Variants in BEND4 observed in about 807,000 individuals in gnomAD.
BEND4 encodes BEN domain-containing protein 4.
BEND4 carries 27 observed loss-of-function variants against 54.7 expected under a neutral mutation model. That is an observed-to-expected ratio of 0.49 (90% CI 0.36 to 0.68). BEND4 has a LOEUF of 0.68. Ranked by LOEUF, BEND4 falls within the 30% of genes least tolerant of loss-of-function variation. BEND4 has a pLI of 0.00. For missense variants in BEND4, 702 were observed against 697.2 expected, an observed-to-expected ratio of 1.01 and a Z score of -0.08; for synonymous variants, 327 against 299.5, an observed-to-expected ratio of 1.09 and a Z score of -0.95.
At chr4:42,141,462 T>TG (rs754927766) in intron 3 of BEND4, among the ~76,000 whole-genome samples, 3 of 152,264 alleles carry the variant, frequency 2.0e-5, no homozygotes, top group Non-Finnish European at 4.4e-5. Context: ...CCGGGTGCTG[T>TG]GGCTAATGCC....
chr4:42,125,098 A>G (rs1242721329), intron 4 of BEND4, among the ~76,000 whole-genome samples: 1 of 152,146 alleles, frequency 6.6e-6, no homozygotes. Flanking sequence ...ATTAAAACAC[A>G]CCATTTCTTC....
In BEND4 at chr4:42,151,772, G is replaced by A; in HGVS notation, c.372C>T (p.Pro124=). The part of the protein sequence containing the change: ...RTPAQPPPAS[P]AASSSSSFAA... ...CGAACGAAGACGACGAGGAGGCGGC[G>A]GGGGACGCGGGCGGCGGCTGCGCCG... Residue 124 remains proline, a synonymous_variant, in exon 2 of 6, where the codon CCC becomes CCT. Coordinates refer to ENST00000502486, the MANE Select transcript of BEND4 (RefSeq NM_207406.4). 1 of 1,496,158 alleles carries A rather than the reference G, an allele frequency of 6.7e-7. No homozygotes were observed. The highest frequency in any genetic ancestry group is 8.9e-7 in the Non-Finnish European group (1 of 1,129,780). The allele number at this position is 1,496,158 out of a possible 1,614,324, so 92.7% of individuals were successfully genotyped here.
At chr4:42,138,923 T>C (rs1367405497) in intron 3 of BEND4, among the ~76,000 whole-genome samples, 1 of 152,204 alleles carries the variant, frequency 6.6e-6, no homozygotes, top group Admixed American at 6.5e-5. Context: ...TTCTTCTTAG[T>C]GGAACATAAA....
At chr4:42,146,877 C>G (rs1042105401) in intron 2 of BEND4, among the ~76,000 whole-genome samples, 3 of 152,128 alleles carry the variant, frequency 2.0e-5, no homozygotes, top group African/African-American at 7.2e-5. Context: ...ACAACACACT[C>G]AGTAGTTTTA....
At chr4:42,133,633 T>C (rs1328643771) in intron 3 of BEND4, among the ~76,000 whole-genome samples, 1 of 152,112 alleles carries the variant, frequency 6.6e-6, no homozygotes, top group Non-Finnish European at 1.5e-5. Context: ...GGCGGGTAGA[T>C]CACGTGGTCA....
chr4:42,123,884 C>T (rs539022650), intron 4 of BEND4, among the ~76,000 whole-genome samples: 5 of 152,020 alleles, frequency 3.3e-5, no homozygotes, highest in Admixed American at 1.3e-4. Context: ...GTTGGTGGGG[C>T]CTTTACTGAA....
chr4:42,122,599 G>C (rs909027111), intron 4 of BEND4, among the ~76,000 whole-genome samples: 4 of 152,164 alleles, frequency 2.6e-5, no homozygotes, highest in Admixed American at 6.5e-5. Flanking sequence ...GAGCAACATA[G>C]ATGAGGAGCC....
intron 3 of BEND4, among the ~76,000 whole-genome samples, chr4:42,141,051 T>C (rs924374197): frequency 6.6e-6 from 1 of 152,180 alleles, no homozygotes; most frequent in Non-Finnish European, 1.5e-5. Context: ...GCTGCAACCA[T>C]GTCTCGGACT....
intron 5 of BEND4, among the ~76,000 whole-genome samples, chr4:42,119,051 G>C (rs1477019894): frequency 1.3e-5 from 2 of 152,162 alleles, no homozygotes; most frequent in Non-Finnish European, 2.9e-5. Flanking sequence ...TTCTGAATCA[G>C]AATGTCTGGG....
At chr4:42,127,032 A>G (rs1471391645) in intron 3 of BEND4, among the ~76,000 whole-genome samples, 1 of 152,230 alleles carries the variant, frequency 6.6e-6, no homozygotes, top group Non-Finnish European at 1.5e-5. Context: ...CCCTAATTTT[A>G]AAGTATCACC....
chr4:42,134,644 GAGT>G (rs1560580056), intron 3 of BEND4, among the ~76,000 whole-genome samples: 1 of 152,180 alleles, frequency 6.6e-6, no homozygotes, highest in African/African-American at 2.4e-5. Context: ...GACGCATATA[GAGT>G]AACAATTTCC....
chr4:42,140,116 T>C (rs917848639), intron 3 of BEND4, among the ~76,000 whole-genome samples: 1 of 152,186 alleles, frequency 6.6e-6, no homozygotes, highest in African/African-American at 2.4e-5. Context: ...ACTTCTCCCT[T>C]TGATCAAGTT....
chr4:42,151,506 T>A, intron 2 of BEND4, 151 bp downstream of exon 2: 1 of 784,316 alleles, frequency 1.3e-6, no homozygotes, highest in East Asian at 3.5e-5. Flanking sequence ...TCTCGAAGTT[T>A]CCGGGTGCGC....
intron 4 of BEND4, among the ~76,000 whole-genome samples, chr4:42,122,330 G>A (rs910522934): frequency 2.0e-5 from 3 of 152,114 alleles, no homozygotes; most frequent in African/African-American, 7.2e-5. Flanking sequence ...GTGGTGAGGA[G>A]ACCAGCCGTC....
intron 3 of BEND4, among the ~76,000 whole-genome samples, chr4:42,138,407 G>A (rs1720768652): frequency 6.6e-6 from 1 of 152,122 alleles, no homozygotes; most frequent in South Asian, 2.1e-4. Flanking sequence ...GAACAAAATA[G>A]TAGCTACAAG....
intron 3 of BEND4, among the ~76,000 whole-genome samples, chr4:42,140,561 G>A (rs1720846439): frequency 6.6e-6 from 1 of 152,150 alleles, no homozygotes; most frequent in Admixed American, 6.5e-5. Context: ...CTCAAGAAAT[G>A]GCAGCATCTC....
At chr4:42,133,323 G>A (rs1720572428) in intron 3 of BEND4, among the ~76,000 whole-genome samples, 3 of 152,160 alleles carry the variant, frequency 2.0e-5, no homozygotes, top group Admixed American at 2.0e-4. Flanking sequence ...TGGATGTCCT[G>A]CTCAAGAAAA....
At chr4:42,118,421 T>C (rs1054334600) in intron 5 of BEND4, among the ~76,000 whole-genome samples, 1 of 152,212 alleles carries the variant, frequency 6.6e-6, no homozygotes, top group African/African-American at 2.4e-5. Context: ...TCACCATATC[T>C]TGCCTACGTA....
rs781285878 is a variant in BEND4, at chr4:42,111,637, C to T, written c.*5881G>A. 2.0e-5 allele frequency: 3 copies of T among 152,194 alleles called. No individual in the cohort carries two copies. The highest frequency in any genetic ancestry group is 2.9e-5 in the Non-Finnish European group (2 of 68,042). 9.4% of individuals were successfully genotyped at this position (152,194 alleles called of 1,614,324 possible). ...ATCAACAGATTACTGTATTTTCTTA[C>T]AAAATTTTCACAACAGTTCTCACAG... On this transcript the variant is annotated 3_prime_UTR_variant, in exon 6 of 6. Coordinates refer to ENST00000502486, the MANE Select transcript of BEND4 (RefSeq NM_207406.4).
Sources: allele counts gnomAD v4.1 joint callset (sites outside exome capture counted in the v4.1 genomes callset), GRCh38; gene constraint gnomAD v4.1.1; transcripts MANE v1.5; gene names NCBI Gene and HGNC (gene_info 2026-07-23, HGNC 2026-07-21).